Variants in ADCY8 observed in about 807,000 individuals in gnomAD.
ADCY8 encodes the protein adenylate cyclase type 8.
ADCY8 carries 51 observed loss-of-function variants against 119.7 expected under a neutral mutation model. The observed-to-expected ratio is 0.43, with a 90% confidence interval of 0.34 to 0.54. ADCY8 has a LOEUF of 0.54. ADCY8 is among the 20% of genes least tolerant of loss of function. The pLI is 0.03. For missense variants in ADCY8, 1,383 were observed against 1,598.8 expected (o/e 0.87, Z 2.30); for synonymous variants, 665 against 651.0 (o/e 1.02, Z -0.33).
chr8:130,982,706 T>C (rs1034070182), intron 2 of ADCY8, among the ~76,000 whole-genome samples: 2 of 150,820 alleles, frequency 1.3e-5, no homozygotes, highest in Admixed American at 6.6e-5. Context: ...CATAAAAAAT[T>C]AGCCAGAAAC....
At chr8:130,862,487 T>C (rs11987978) in intron 9 of ADCY8, among the ~76,000 whole-genome samples, 2 of 151,938 alleles carry the variant, frequency 1.3e-5, no homozygotes, top group Non-Finnish European at 2.9e-5. Flanking sequence ...ATCTTGGCTC[T>C]CTGCAAGCTC....
chr8:130,879,983 G>A (rs568783439), intron 8 of ADCY8, among the ~76,000 whole-genome samples: 13 of 152,232 alleles, frequency 8.5e-5, no homozygotes, highest in African/African-American at 1.9e-4. Context: ...TGCGATTCTC[G>A]TGATAGTGAA....
chr8:130,954,641 C>T (rs1040616405), intron 2 of ADCY8, among the ~76,000 whole-genome samples: 1 of 152,192 alleles, frequency 6.6e-6, no homozygotes, highest in African/African-American at 2.4e-5. Context: ...TCAACCTTTA[C>T]TATAGCTCCA....
intron 5 of ADCY8, among the ~76,000 whole-genome samples, chr8:130,921,434 T>A (rs1454556087): frequency 6.7e-6 from 1 of 148,974 alleles, no homozygotes; most frequent in Non-Finnish European, 1.5e-5. Flanking sequence ...GGTTATCCAT[T>A]TTTCTTTTTC....
chr8:130,930,584 T>A (rs758963400), intron 5 of ADCY8, among the ~76,000 whole-genome samples: 21 of 152,030 alleles, frequency 1.4e-4, no homozygotes, highest in Non-Finnish European at 2.2e-4. Flanking sequence ...TTACTATAGG[T>A]TTTTGCTTTG....
intron 12 of ADCY8, among the ~76,000 whole-genome samples, chr8:130,827,158 A>C (rs867830223): frequency 2.0e-5 from 3 of 152,162 alleles, no homozygotes; most frequent in Admixed American, 2.0e-4. Context: ...GTTAAGAAGA[A>C]ATTTCTTAGG....
chr8:130,994,408 T>C (rs1822700669), intron 1 of ADCY8, among the ~76,000 whole-genome samples: 1 of 152,232 alleles, frequency 6.6e-6, no homozygotes, highest in South Asian at 2.1e-4. Flanking sequence ...CGTTTGTCCT[T>C]ACTTCAATTT....
chr8:130,791,129 T>C (rs1815411968), intron 15 of ADCY8, among the ~76,000 whole-genome samples: 2 of 152,204 alleles, frequency 1.3e-5, no homozygotes, highest in African/African-American at 4.8e-5. Context: ...TAAATCCTGC[T>C]CTCTCTCATG....
chr8:131,037,414 A>C (rs1824190934), intron 1 of ADCY8, among the ~76,000 whole-genome samples: 1 of 152,228 alleles, frequency 6.6e-6, no homozygotes, highest in Admixed American at 6.5e-5. Context: ...CTTGGCAAGA[A>C]AAATATATCT....
intron 2 of ADCY8, among the ~76,000 whole-genome samples, chr8:130,963,750 GT>G (rs1452321412): frequency 6.6e-6 from 1 of 152,158 alleles, no homozygotes; most frequent in Non-Finnish European, 1.5e-5. Flanking sequence ...TTGATTGGCT[GT>G]TCTATCAGCA....
chr8:130,941,194 A>G (rs556144183), intron 4 of ADCY8, among the ~76,000 whole-genome samples: 2 of 152,320 alleles, frequency 1.3e-5, no homozygotes, highest in East Asian at 3.9e-4. Context: ...GATAAGGTTG[A>G]AGTTCCCTAG....
At chr8:130,871,763 G>C (rs527472705) in intron 8 of ADCY8, among the ~76,000 whole-genome samples, 1 of 152,090 alleles carries the variant, frequency 6.6e-6, no homozygotes. Flanking sequence ...ATGACCTCCT[G>C]TGTGTTTTTT....
At chr8:130,860,996 C>G (rs949376424) in intron 9 of ADCY8, among the ~76,000 whole-genome samples, 2 of 152,306 alleles carry the variant, frequency 1.3e-5, no homozygotes, top group East Asian at 3.9e-4. Flanking sequence ...TTCTTAACAT[C>G]TTTGCTACAA....
intron 15 of ADCY8, among the ~76,000 whole-genome samples, chr8:130,794,411 A>AT (rs1815517438): frequency 1.3e-5 from 2 of 152,142 alleles, no homozygotes; most frequent in South Asian, 2.1e-4. Context: ...CGCCTGGCTC[A>AT]TTTTTTGTAT....
intron 15 of ADCY8, among the ~76,000 whole-genome samples, chr8:130,785,834 G>A (rs746264876): frequency 1.3e-5 from 2 of 152,270 alleles, no homozygotes; most frequent in South Asian, 2.1e-4. Flanking sequence ...AGACCTGTCC[G>A]CTCTCTTATC....
Position 130,877,616 on chromosome 8 carries a change from T to C in ADCY8, c.2109+6948A>G, listed in dbSNP as rs142615707. Among the ~76,000 whole-genome samples, 9 of 152,340 alleles carry C rather than the reference T, an allele frequency of 5.9e-5. No homozygotes were observed. In the East Asian group the frequency reaches 1.7e-3, roughly 29 times the overall value. The stretch of plus-strand genomic sequence containing the variant: ...TGAAATATCTAATCCTTGGCTGGCT[T>C]GTCCTCACAGGAAGAAAAGCATGGC... On this transcript the variant is annotated intron_variant, in intron 8 of 17. Coordinates refer to ENST00000286355, the MANE Select transcript of ADCY8 (RefSeq NM_001115.3).
chr8:131,025,586 G>A (rs979999345), intron 1 of ADCY8, among the ~76,000 whole-genome samples: 1 of 152,206 alleles, frequency 6.6e-6, no homozygotes, highest in African/African-American at 2.4e-5. Flanking sequence ...TTGTTTAACA[G>A]TAGAGACAAA....
At chr8:130,876,523 A>G (rs957849136) in intron 8 of ADCY8, among the ~76,000 whole-genome samples, 1 of 152,064 alleles carries the variant, frequency 6.6e-6, no homozygotes, top group Non-Finnish European at 1.5e-5. Flanking sequence ...AAAATGTTTC[A>G]TGTGTTCATG....
intron 14 of ADCY8, among the ~76,000 whole-genome samples, chr8:130,812,016 A>G (rs1044300290): frequency 6.6e-6 from 1 of 152,186 alleles, no homozygotes; most frequent in Non-Finnish European, 1.5e-5. Context: ...CTCACCTCCC[A>G]CATCTGCTCC....
Sources: allele counts gnomAD v4.1 joint callset (sites outside exome capture counted in the v4.1 genomes callset), GRCh38; gene constraint gnomAD v4.1.1; transcripts MANE v1.5; gene names NCBI Gene and HGNC (gene_info 2026-07-23, HGNC 2026-07-21).